The following WDR76 variants were observed in gnomAD, a reference collection of about 807,000 sequenced individuals.
The protein encoded by WDR76 is WD repeat domain 76.
WDR76 carries 52 observed loss-of-function variants against 70.2 expected under a neutral mutation model. The ratio of observed to expected loss-of-function variants is 0.74; its 90% CI spans 0.59 to 0.93. The LOEUF is 0.93. Ranked by LOEUF, WDR76 falls within the 40% of genes least tolerant of loss-of-function variation. The pLI, the probability that WDR76 is intolerant of heterozygous loss-of-function variation, is 0.00. For missense variants in WDR76, 756 were observed against 760.2 expected, an observed-to-expected ratio of 0.99 and a Z score of 0.07; for synonymous variants, 292 against 271.1, an observed-to-expected ratio of 1.08 and a Z score of -0.76.
chr15:43,862,548 G>A (rs4597285), intron 12 of WDR76, among the ~76,000 whole-genome samples: 25,752 of 147,512 alleles, frequency 0.17, 2,964 homozygotes, highest in African/African-American at 0.32. Context: ...TCACTCTGTT[G>A]TCCAGGCTGG....
chr15:43,833,934 C>T (rs1415819515), intron 2 of WDR76, among the ~76,000 whole-genome samples: 1 of 152,152 alleles, frequency 6.6e-6, no homozygotes, highest in East Asian at 1.9e-4. Context: ...CACACCCGGC[C>T]TGCCATTTAT....
chr15:43,860,935 T>TTTA (rs2087989028), intron 11 of WDR76, among the ~76,000 whole-genome samples: 1 of 146,918 alleles, frequency 6.8e-6, no homozygotes, highest in African/African-American at 2.6e-5. Context: ...TTTTTTTTTT[T>TTTA]TGTAGACAAG....
intron 4 of WDR76, among the ~76,000 whole-genome samples, chr15:43,837,042 C>CAAAAAAAAAA (rs541159343): frequency 3.4e-5 from 2 of 58,290 alleles, no homozygotes; most frequent in Non-Finnish European, 3.6e-5. Context: ...CTCCATCTCA[C>CAAAAAAAAAA]AAAAAAAAAA....
chr15:43,863,350 C>T (rs947516874), intron 12 of WDR76, among the ~76,000 whole-genome samples: 6 of 152,066 alleles, frequency 3.9e-5, no homozygotes, highest in Non-Finnish European at 7.4e-5. Flanking sequence ...TATTACCTCA[C>T]GTACTTACCA....
At chr15:43,846,412 G>A (rs1214476235) in intron 8 of WDR76, among the ~76,000 whole-genome samples, 3 of 148,600 alleles carry the variant, frequency 2.0e-5, no homozygotes, top group Non-Finnish European at 4.5e-5. Context: ...AGCTTCCTGC[G>A]TAGCTGGGAC....
intron 12 of WDR76, among the ~76,000 whole-genome samples, chr15:43,862,336 A>ATTTTTTTTTTG: frequency 1.3e-5 from 1 of 76,062 alleles, no homozygotes; most frequent in South Asian, 3.8e-4. Flanking sequence ...TTTTTTTTTA[A>ATTTTTTTTTTG]AGATAGAGTC....
rs2087756835 is a variant in WDR76 at position 43,844,005 on chromosome 15, C to A, written c.983C>A (p.Thr328Asn). 4 of 1,613,770 alleles carry A rather than the reference C, an allele frequency of 2.5e-6. No homozygotes were observed. Among genetic ancestry groups the A allele is most frequent in the Non-Finnish European group, 3.4e-6 (4 of 1,179,896 alleles). Residue 328 changes from threonine (T) to asparagine (N), a missense_variant, in exon 8 of 13, where the codon ACT becomes AAT. By Grantham distance (65) the Thr-to-Asn change is moderately conservative (BLOSUM62 0). Coordinates refer to ENST00000263795, the MANE Select transcript of WDR76 (RefSeq NM_024908.4). ...GCTCTCCATCCATCAGAAACTAGAA[C>A]TTTGGTAGCAGTTGGGGCCAAATTT... is the stretch of plus-strand genomic sequence containing the variant. Reference protein sequence around the residue: ...SMALHPSETRTLVAVGAKFGQ... With the variant: ...SMALHPSETRNLVAVGAKFGQ...
Position 43,844,010 on chromosome 15 carries a change from G to A in WDR76, c.988G>A (p.Val330Ile), listed in dbSNP as rs1344237043. The A allele has an allele frequency of 6.2e-7, 1 of 1,613,596 alleles. No homozygotes were observed. Among genetic ancestry groups the A allele is most frequent in the Non-Finnish European group, 8.5e-7 (1 of 1,179,806 alleles). ...ALHPSETRTL[V>I]AVGAKFGQVG... ...CCATCCATCAGAAACTAGAACTTTG[G>A]TAGCAGTTGGGGCCAAATTTGGGCA... The change falls in exon 8 of 13, where the codon GTA (valine) becomes ATA (isoleucine). Residue 330 changes from valine (V) to isoleucine (I), a missense_variant. Coordinates refer to ENST00000263795, the MANE Select transcript of WDR76 (RefSeq NM_024908.4).
chr15:43,828,177 A>G lies in WDR76; in HGVS notation c.273A>G (p.Arg91=), dbSNP rs1349278438. 3.1e-6 allele frequency: 5 copies of G among 1,614,124 alleles called. No homozygotes were observed. Among genetic ancestry groups the G allele is most frequent in the Admixed American group, 1.7e-5 (1 of 59,994 alleles). ...CKKTKIKKTC[R]RIIPPKMKNT... ...AGACTAAAATAAAGAAAACTTGCAG[A>G]AGGATTATACCTCCAAAGATGAAAA... Residue 91 remains arginine, a synonymous_variant, in exon 2 of 13, where the codon AGA becomes AGG. Transcript: ENST00000263795.
chr15:43,853,846 CA>C (rs2140309431), intron 9 of WDR76, among the ~76,000 whole-genome samples: 1 of 147,530 alleles, frequency 6.8e-6, no homozygotes, highest in East Asian at 2.0e-4. Context: ...GTGGAGTTTG[CA>C]GTGAGGTGAG....
intron 9 of WDR76, among the ~76,000 whole-genome samples, chr15:43,852,036 C>T (rs867616560): frequency 6.6e-6 from 1 of 152,190 alleles, no homozygotes; most frequent in Non-Finnish European, 1.5e-5. Context: ...CATTGCACTT[C>T]AGCCTGGGTG....
intron 9 of WDR76, among the ~76,000 whole-genome samples, chr15:43,856,167 A>C (rs2087924278): frequency 6.6e-6 from 1 of 152,120 alleles, no homozygotes; most frequent in Non-Finnish European, 1.5e-5. Context: ...GTGGATCATC[A>C]TTTATTTAAC....
At position 43,836,466 on chromosome 15, in the gene WDR76, A is replaced by G. The variant is rs143420095; in HGVS notation, c.608+250A>G. ...ATTTATTGTTGCTACTAATGAAGGG[A>G]AATCTTTATTTCCACTAAATTACTG... On this transcript the variant is annotated intron_variant, in intron 4 of 12. Coordinates refer to ENST00000263795, the MANE Select transcript of WDR76 (RefSeq NM_024908.4). Among the ~76,000 whole-genome samples the G allele has an allele frequency of 7.5e-3, 1,149 of 152,306 alleles. 15 individuals are homozygous for G. The highest frequency in any genetic ancestry group is 0.026 in the African/African-American group (1,091 of 41,566).
chr15:43,864,367 A>T (rs2088043037), intron 12 of WDR76, among the ~76,000 whole-genome samples: 1 of 151,994 alleles, frequency 6.6e-6, no homozygotes, highest in Non-Finnish European at 1.5e-5. Context: ...TTACATTTCC[A>T]CCAACAATGT....
intron 2 of WDR76, among the ~76,000 whole-genome samples, chr15:43,830,084 C>T (rs2087568203): frequency 6.7e-6 from 1 of 149,556 alleles, no homozygotes; most frequent in Non-Finnish European, 1.5e-5. Context: ...CCAAGCTGGT[C>T]TTAAGCTCCT....
rs201577621 is a variant in WDR76, at chr15:43,848,527, TAGA to T, written c.1033-2554_1033-2552del. 6.8e-3 allele frequency among the ~76,000 whole-genome samples: 1,028 copies of T among 152,204 alleles called. 16 individuals are homozygous for T. Among genetic ancestry groups the T allele is most frequent in the African/African-American group, 0.023 (973 of 41,524 alleles). ...GTTGCTGGGGTGAAATCAGGAAAAA[TAGA>T]AGAAGTAGGGACAGTGAGTAGTAGA... On this transcript the variant is annotated intron_variant, in intron 8 of 12. Coordinates refer to ENST00000263795, the MANE Select transcript of WDR76 (RefSeq NM_024908.4).
chr15:43,848,381 G>A (rs1043240615), intron 8 of WDR76, among the ~76,000 whole-genome samples: 2 of 152,202 alleles, frequency 1.3e-5, no homozygotes, highest in Non-Finnish European at 2.9e-5. Flanking sequence ...GCCCTGCCCC[G>A]TGTGCAGAAT....
At chr15:43,834,931 T>G in intron 2 of WDR76, 130 bp from the exon 3 acceptor site, 1 of 771,692 alleles carries the variant, frequency 1.3e-6, no homozygotes, top group Non-Finnish European at 2.0e-6. Context: ...TTTGGTAAGA[T>G]GATGAAATGA....
intron 8 of WDR76, among the ~76,000 whole-genome samples, chr15:43,847,255 A>G (rs2087800492): frequency 6.6e-6 from 1 of 152,038 alleles, no homozygotes; most frequent in Admixed American, 6.6e-5. Flanking sequence ...TGTAAAATTC[A>G]ATGCTTTTTT....
Sources: allele counts gnomAD v4.1 joint callset (sites outside exome capture counted in the v4.1 genomes callset), GRCh38; gene constraint gnomAD v4.1.1; transcripts MANE v1.5; gene names NCBI Gene and HGNC (gene_info 2026-07-23, HGNC 2026-07-21).